Variants in ATP8B4 observed in about 807,000 individuals in gnomAD.
ATP8B4 encodes the protein probable phospholipid-transporting ATPase IM.
ATP8B4 carries 133 observed loss-of-function variants against 145.6 expected under a neutral mutation model. The observed-to-expected ratio is 0.91, with a 90% CI of 0.79 to 1.05. ATP8B4 has a LOEUF of 1.05. ATP8B4 is among the 50% of genes least tolerant of loss of function. The probability of loss-of-function intolerance (pLI) is 0.00; values close to 1 mark genes in which losing one functional copy is unlikely to be tolerated. For missense variants in ATP8B4, 1,458 were observed against 1,425.2 expected (o/e 1.02, Z -0.37); for synonymous variants, 507 against 492.9 (o/e 1.03, Z -0.38).
At chr15:50,172,672 G>A (rs538273246) in intron 1 of ATP8B4, among the ~76,000 whole-genome samples, 15 of 151,632 alleles carry the variant, frequency 9.9e-5, no homozygotes, top group Non-Finnish European at 2.2e-4. Flanking sequence ...TCCTCTTCCC[G>A]GCCGTCATCC....
chr15:49,924,728 G>T (rs1015236490), intron 16 of ATP8B4, among the ~76,000 whole-genome samples: 25 of 152,254 alleles, frequency 1.6e-4, no homozygotes, highest in African/African-American at 5.8e-4. Flanking sequence ...TCTAGGTCTT[G>T]TCTTCTGTTT....
At chr15:49,935,265 C>T (rs73396991) in intron 14 of ATP8B4, among the ~76,000 whole-genome samples, 277 of 152,108 alleles carry the variant, frequency 1.8e-3, no homozygotes, top group African/African-American at 6.2e-3. Flanking sequence ...TGGAATATTA[C>T]GTATAATCTT....
At position 50,175,064 on chromosome 15, in the gene ATP8B4, A is replaced by G. The variant is rs555135125; in HGVS notation, c.-43+7197T>C. Among the ~76,000 whole-genome samples the G allele has an allele frequency of 4.6e-5, 7 of 152,364 alleles. No homozygotes were observed. The South Asian group carries it at 1.4e-3, about 32-fold the overall frequency. ...TGGGGAAAGGATACCCTTTTCAACA[A>G]ATGGTGCCTGTGACAATTGGCTAGC... On this transcript the variant is annotated intron_variant, in intron 1 of 3. Coordinates refer to the ATP8B4 transcript ENST00000558829.
chr15:49,901,528 G>A (rs977580619), intron 20 of ATP8B4, among the ~76,000 whole-genome samples: 1 of 152,096 alleles, frequency 6.6e-6, no homozygotes, highest in African/African-American at 2.4e-5. Flanking sequence ...TTGAACTAGG[G>A]GATCTTGATA....
chr15:49,955,987 A>T (rs1485529105), intron 14 of ATP8B4, among the ~76,000 whole-genome samples: 2 of 152,204 alleles, frequency 1.3e-5, no homozygotes, highest in African/African-American at 2.4e-5. Context: ...ACACTAAAAA[A>T]GTTGTTAAGA....
chr15:49,883,789 A>G (rs950519937), intron 23 of ATP8B4, among the ~76,000 whole-genome samples: 8 of 151,848 alleles, frequency 5.3e-5, no homozygotes, highest in African/African-American at 1.7e-4. Context: ...TTTTTAAATT[A>G]TATTAAAAAA....
chr15:50,065,961 T>A (rs543351563), intron 3 of ATP8B4, among the ~76,000 whole-genome samples: 14 of 146,528 alleles, frequency 9.6e-5, no homozygotes, highest in East Asian at 2.0e-4. Flanking sequence ...ATTACTTTAA[T>A]ATGCCATTTT....
chr15:49,929,962 A>G (rs754295663), intron 16 of ATP8B4, among the ~76,000 whole-genome samples: 1 of 152,094 alleles, frequency 6.6e-6, no homozygotes, highest in Admixed American at 6.6e-5. Context: ...GGCAAGAAGC[A>G]AAAACTGACC....
chr15:49,969,551 C>G (rs551392638), intron 13 of ATP8B4, among the ~76,000 whole-genome samples: 4 of 152,074 alleles, frequency 2.6e-5, no homozygotes, highest in Admixed American at 2.6e-4. Flanking sequence ...CTGGACACAT[C>G]AACCTCCCAA....
intron 5 of ATP8B4, among the ~76,000 whole-genome samples, chr15:50,041,167 T>C (rs1199340903): frequency 2.6e-5 from 4 of 152,200 alleles, no homozygotes; most frequent in Non-Finnish European, 4.4e-5. Context: ...TAGGAACTCA[T>C]GCATCTAAAT....
At chr15:49,992,382 A>G (rs2047110599) in intron 9 of ATP8B4, among the ~76,000 whole-genome samples, 1 of 152,206 alleles carries the variant, frequency 6.6e-6, no homozygotes, top group Non-Finnish European at 1.5e-5. Flanking sequence ...TAACCACTGT[A>G]TCCCAGTCTT....
intron 8 of ATP8B4, 50 bp downstream of exon 8, chr15:50,002,103 T>A: frequency 6.9e-7 from 1 of 1,452,274 alleles, no homozygotes. Context: ...AAGACATTAC[T>A]TTTAAATAAA....
intron 1 of ATP8B4, among the ~76,000 whole-genome samples, chr15:50,166,779 C>T (rs181470560): frequency 7.9e-5 from 12 of 152,172 alleles, no homozygotes; most frequent in Admixed American, 2.6e-4. Context: ...GAAAGATTTG[C>T]AGGGAGAAGG....
intron 23 of ATP8B4, among the ~76,000 whole-genome samples, chr15:49,882,047 G>C (rs932576023): frequency 6.6e-6 from 1 of 152,218 alleles, no homozygotes; most frequent in Non-Finnish European, 1.5e-5. Context: ...CTATGGCAGA[G>C]TCTGTGACCT....
intron 21 of ATP8B4, among the ~76,000 whole-genome samples, chr15:49,900,648 C>G (rs922348712): frequency 6.6e-6 from 1 of 152,146 alleles, no homozygotes; most frequent in Non-Finnish European, 1.5e-5. Flanking sequence ...CTAGAGGTAT[C>G]TTAATGGCAA....
chr15:50,000,481 C>T (rs2047795738), intron 8 of ATP8B4, among the ~76,000 whole-genome samples: 1 of 152,108 alleles, frequency 6.6e-6, no homozygotes, highest in Non-Finnish European at 1.5e-5. Flanking sequence ...GCTTATTTGC[C>T]ATTTGTACGT....
At chr15:49,919,487 G>A (rs562002817) in intron 18 of ATP8B4, among the ~76,000 whole-genome samples, 2 of 151,932 alleles carry the variant, frequency 1.3e-5, no homozygotes, top group Non-Finnish European at 2.9e-5. Context: ...GCGCGATCTC[G>A]GCTCACTGCA....
chr15:50,117,037 T>C (rs929675339), intron 1 of ATP8B4, among the ~76,000 whole-genome samples: 2 of 151,902 alleles, frequency 1.3e-5, no homozygotes, highest in Admixed American at 6.6e-5. Context: ...TTAAGTTTTG[T>C]TTTTTATTTT....
intron 2 of ATP8B4, among the ~76,000 whole-genome samples, chr15:50,081,490 T>C (rs925564097): frequency 7.2e-5 from 11 of 152,192 alleles, no homozygotes; most frequent in Non-Finnish European, 1.5e-4. Context: ...TGCCCATTGA[T>C]TCTACTCCAG....
Sources: allele counts gnomAD v4.1 joint callset (sites outside exome capture counted in the v4.1 genomes callset), GRCh38; gene constraint gnomAD v4.1.1; transcripts MANE v1.5; gene names NCBI Gene and HGNC (gene_info 2026-07-23, HGNC 2026-07-21).